GBP1: variants seen among roughly 807,000 people sequenced by gnomAD.
GBP1 encodes the protein guanylate binding protein 1.
Under a neutral mutation model 69.5 loss-of-function variants are expected in GBP1, and 64 were observed. The observed-to-expected ratio is 0.92, with a 90% CI of 0.75 to 1.13. The LOEUF is 1.13. Among genes scored for constraint, GBP1 ranks in the 50% most tolerant of loss-of-function variants. GBP1 has a pLI of 0.00. For synonymous variants in GBP1, 250 were observed against 261.2 expected (o/e 0.96, Z 0.41); for missense variants, 630 against 704.1 (o/e 0.89, Z 1.19).
rs763936207 is a variant in GBP1, at chr1:89,056,090, C to T, written c.1294G>A (p.Gly432Ser). Residue 432 changes from glycine (G) to serine (S), a missense_variant, in exon 8 of 11, where the codon GGC (glycine) becomes AGC (serine). Transcript: ENST00000370473. ...AGCTTCTGAACAAAGAGACGATAGC[C>T]CCCTGGTTTCGAATAAATTCCCGCC... ...VKAGIYSKPG[G>S]YRLFVQKLQD... The T allele has an allele frequency of 6.2e-7, 1 of 1,613,856 alleles. No individual in the cohort carries two copies. The highest frequency in any genetic ancestry group is 1.7e-5 in the Admixed American group (1 of 60,012).
At chr1:89,060,095 C>T (rs1490065134) in intron 3 of GBP1, 102 bp downstream of exon 3, 3 of 1,134,566 alleles carry the variant, frequency 2.6e-6, no homozygotes, top group African/African-American at 1.6e-5. Context: ...TGTTAACCCA[C>T]ACATATTACA....
chr1:89,056,111 C>A lies in GBP1; in HGVS notation c.1273G>T (p.Gly425Ter). 1 of 1,613,934 alleles carries A rather than the reference C, an allele frequency of 6.2e-7. No homozygotes were observed. Among genetic ancestry groups the A allele is most frequent in the South Asian group, 1.1e-5 (1 of 91,074 alleles). ...TAGCCCCCTGGTTTCGAATAAATTC[C>A]CGCCTTCACTTCTTCTTCTAGAGGA... ...FSPLEEEVKA[G>*]IYSKPGGYRL... Residue 425 changes from glycine to a stop codon, truncating the protein, a stop_gained, in exon 8 of 11, where the codon GGA (glycine) becomes TGA (stop). Coordinates refer to ENST00000370473, the MANE Select transcript of GBP1 (RefSeq NM_002053.3). LOFTEE classifies it high-confidence loss of function.
Position 89,054,696 on chromosome 1 carries a change from C to T in GBP1, c.1651G>A (p.Ala551Thr), listed in dbSNP as rs374861818. 49 of 1,613,626 alleles carry T rather than the reference C, an allele frequency of 3.0e-5. No individual in the cohort carries two copies. In the South Asian group the frequency reaches 3.2e-4, roughly 10 times the overall value. Residue 551 changes from alanine to threonine, a missense_variant, in exon 10 of 11, where the codon GCT (alanine) becomes ACT (threonine). By Grantham distance (58) the Ala-to-Thr change is moderately conservative (BLOSUM62 0). This residue lies in a region of GBP1 where 71 missense variants were observed against 72.7 expected (regional missense o/e 0.98). Transcript: ENST00000370473. The stretch of plus-strand genomic sequence containing the variant: ...CAATTAGATACCTGAAGTTTAAGAG[C>T]GAGGGTCCTCTCTTGCTCTTTCAGC... The part of the protein sequence containing the change: ...QLLKEQERTL[A>T]LKLQEQEQLL...
In GBP1 at chr1:89,060,326, T is replaced by G. The variant is rs1356542986; in HGVS notation, c.191-2A>C. On this transcript the variant is annotated splice_acceptor_variant, in intron 2 of 10. Coordinates refer to ENST00000370473, the MANE Select transcript of GBP1 (RefSeq NM_002053.3). LOFTEE classifies it high-confidence loss of function. The stretch of plus-strand genomic sequence containing the variant: ...GCACCGTGGAGCCCAGAGAGAAGCC[T>G]GCAAGGGAGAGAGGAGACCAGCGAT... The G allele has an allele frequency of 1.9e-6, 3 of 1,579,506 alleles. No homozygotes were observed. The highest frequency in any genetic ancestry group is 2.6e-6 in the Non-Finnish European group (3 of 1,164,586).
At chr1:89,054,469 G>C (rs983881564) in intron 10 of GBP1, among the ~76,000 whole-genome samples, 8 of 152,092 alleles carry the variant, frequency 5.3e-5, no homozygotes, top group African/African-American at 1.9e-4. Context: ...ATTGATAAAG[G>C]ACTGAATGTT....
chr1:89,053,175 T>A lies in GBP1; in HGVS notation c.*180A>T. On this transcript the variant is annotated 3_prime_UTR_variant, in exon 11 of 11. Coordinates refer to ENST00000370473, the MANE Select transcript of GBP1 (RefSeq NM_002053.3). ...GGTAAATGCATCTTTGTTGCACAATTTACAGTCTTTTTTTTTTTTTAAGAA... is the reference window on the plus strand; with the variant it reads ...GGTAAATGCATCTTTGTTGCACAATATACAGTCTTTTTTTTTTTTTAAGAA... 1.9e-6 allele frequency: 1 copy of A among 517,958 alleles called. No homozygotes were observed. Among genetic ancestry groups the A allele is most frequent in the Non-Finnish European group, 3.4e-6 (1 of 297,766 alleles). The allele number at this position is 517,958 out of a possible 1,614,324, so 32.1% of individuals were successfully genotyped here. A position where few individuals can be genotyped will look rare whatever the true frequency, so the allele number is the denominator to read the frequency against.
In GBP1 at chr1:89,056,880, C is replaced by A. The variant is rs1390478504; in HGVS notation, c.1129G>T (p.Asp377Tyr). 1.2e-5 allele frequency: 20 copies of A among 1,614,128 alleles called. No individual in the cohort carries two copies. Among genetic ancestry groups the A allele is most frequent in the Non-Finnish European group, 1.7e-5 (20 of 1,180,044 alleles). The change falls in exon 7 of 11, where the codon GAC (aspartate) becomes TAC (tyrosine). Residue 377 changes from aspartate (D) to tyrosine (Y), a missense_variant. Transcript: ENST00000370473. Reference protein sequence around the residue: ...VFIRSSFKDVDHLFQKELAAQ... With the variant: ...VFIRSSFKDVYHLFQKELAAQ... ...GCTAACTCCTTTTGAAATAGATGGT[C>A]CACATCTTTGAAGGAACTCCTGATG...
chr1:89,064,483 C>G (rs1469057532), intron 1 of GBP1, among the ~76,000 whole-genome samples: 1 of 152,166 alleles, frequency 6.6e-6, no homozygotes, highest in Non-Finnish European at 1.5e-5. Context: ...AAATTGGAAG[C>G]ACTTCAGTGA....
chr1:89,062,968 C>T (rs1416697803), intron 2 of GBP1, 77 bp downstream of exon 2: 3 of 1,554,684 alleles, frequency 1.9e-6, no homozygotes, highest in East Asian at 4.5e-5. Context: ...CTCTTTCTCT[C>T]CTCACATCTT....
rs1680240361 is a variant in GBP1, at chr1:89,063,051, T to C, written c.184A>G (p.Lys62Glu). The C allele has an allele frequency of 6.2e-7, 1 of 1,614,058 alleles. No individual in the cohort carries two copies. The highest frequency in any genetic ancestry group is 8.5e-7 in the Non-Finnish European group (1 of 1,179,936). ...SYLMNKLAGKKKGFSLGSTVQ... is the reference protein window; with the variant it reads ...SYLMNKLAGKEKGFSLGSTVQ... ...CTTTGCTCATGCCACTCACCCTTTT[T>C]CTTTCCAGCCAGCTTGTTCATCAGG... Residue 62 changes from lysine to glutamate, a missense_variant, in exon 2 of 11, where the codon AAA becomes GAA. Lys to Glu is a moderately conservative substitution (Grantham distance 56). Coordinates refer to ENST00000370473, the MANE Select transcript of GBP1 (RefSeq NM_002053.3).
chr1:89,058,113 C>G lies in GBP1; in HGVS notation c.753G>C (p.Glu251Asp), dbSNP rs149731935. The G allele has an allele frequency of 3.7e-5, 59 of 1,614,052 alleles. No individual in the cohort carries two copies. Among genetic ancestry groups the G allele is most frequent in the Non-Finnish European group, 4.8e-5 (57 of 1,180,030 alleles). ...GGTCCAGCTCTTCATCTTGTAGTTT[C>G]TCGAGCTGGGCAAGCTTCCTGCGGT... is the stretch of plus-strand genomic sequence containing the variant. ...PVHRRKLAQLEKLQDEELDPE... is the reference protein window; with the variant it reads ...PVHRRKLAQLDKLQDEELDPE... The change falls in exon 6 of 11, where the codon GAG (glutamate) becomes GAC (aspartate). Residue 251 changes from glutamate to aspartate, a missense_variant. Transcript: ENST00000370473.
chr1:89,055,701 C>A (rs1342817296), intron 8 of GBP1: 4 of 439,936 alleles, frequency 9.1e-6, no homozygotes, highest in Non-Finnish European at 1.7e-5. Flanking sequence ...CAATGAATTA[C>A]ATTTTTGTTT....
intron 10 of GBP1, among the ~76,000 whole-genome samples, chr1:89,054,351 T>C (rs543262884): frequency 3.9e-5 from 6 of 152,292 alleles, no homozygotes; most frequent in Admixed American, 1.3e-4. Flanking sequence ...CCGCCCGCCT[T>C]GGCCTCCCAG....
In GBP1 at chr1:89,056,587, A is replaced by G. The variant is rs147999275; in HGVS notation, c.1155+267T>C. Among the ~76,000 whole-genome samples the G allele has an allele frequency of 3.0e-3, 452 of 152,322 alleles. 7 individuals are homozygous for G. Among genetic ancestry groups the G allele is most frequent in the African/African-American group, 0.01 (431 of 41,576 alleles). On this transcript the variant is annotated intron_variant, in intron 7 of 10. Coordinates refer to ENST00000370473, the MANE Select transcript of GBP1 (RefSeq NM_002053.3). ...GGCTAGAATATCAAATCAGTCTGAG[A>G]AGAGTGGGCAGGTAATTTTATTAGA... is the stretch of plus-strand genomic sequence containing the variant.
Position 89,058,036 on chromosome 1 carries a change from G to T in GBP1, c.830C>A (p.Ser277Tyr), listed in dbSNP as rs370963741. 6 of 1,613,810 alleles carry T rather than the reference G, an allele frequency of 3.7e-6. No individual in the cohort carries two copies. In the African/African-American group the frequency reaches 8.0e-5, roughly 22 times the overall value. Residue 277 changes from serine to tyrosine, a missense_variant, in exon 6 of 11, where the codon TCC becomes TAC. Transcript: ENST00000370473. ...ADFCSYIFSN[S>Y]KTKTLSGGIQ... ...GCCTCCTGAAAGAGTTTTAGTTTTG[G>T]AATTACTAAAGATGTAGGAACAGAA...
rs780607200 is a variant in GBP1, at chr1:89,060,327, G to T, written c.191-3C>A. The T allele has an allele frequency of 2.5e-6, 4 of 1,579,130 alleles. No homozygotes were observed. Among genetic ancestry groups the T allele is most frequent in the Non-Finnish European group, 3.4e-6 (4 of 1,164,402 alleles). On this transcript the variant is annotated splice_polypyrimidine_tract_variant and splice_region_variant and intron_variant, in intron 2 of 10. Transcript: ENST00000370473. ...CACCGTGGAGCCCAGAGAGAAGCCTGCAAGGGAGAGAGGAGACCAGCGATG... is the reference window on the plus strand; with the variant it reads ...CACCGTGGAGCCCAGAGAGAAGCCTTCAAGGGAGAGAGGAGACCAGCGATG...
chr1:89,059,627 T>C (rs1381144582), intron 3 of GBP1, among the ~76,000 whole-genome samples: 1 of 151,848 alleles, frequency 6.6e-6, no homozygotes, highest in Non-Finnish European at 1.5e-5. Flanking sequence ...TGGGTAGTTT[T>C]TCGACGAGTG....
At chr1:89,062,954 T>A in intron 2 of GBP1, 91 bp downstream of exon 2, 2 of 1,490,828 alleles carry the variant, frequency 1.3e-6, no homozygotes, top group Non-Finnish European at 1.9e-6. Context: ...GTATTCATCC[T>A]CATCTCTTTC....
chr1:89,057,425 A>G (rs1680075029), intron 6 of GBP1, among the ~76,000 whole-genome samples: 1 of 152,226 alleles, frequency 6.6e-6, no homozygotes, highest in Non-Finnish European at 1.5e-5. Context: ...TTTAACCCCA[A>G]CCAACATTAG....
Sources: allele counts gnomAD v4.1 joint callset (sites outside exome capture counted in the v4.1 genomes callset), GRCh38; gene constraint gnomAD v4.1.1; regional missense constraint gnomAD v4.1.1; transcripts MANE v1.5; gene names NCBI Gene and HGNC (gene_info 2026-07-23, HGNC 2026-07-21).